The following PARD6B variants were observed in gnomAD, a reference collection of about 807,000 sequenced individuals.
PARD6B encodes the protein par-6 family cell polarity regulator beta, also known as partitioning defective 6 homolog beta.
A neutral mutation model predicts 10.5 loss-of-function variants in PARD6B; 4 were observed. The ratio of observed to expected loss-of-function variants is 0.38; its 90% CI spans 0.19 to 0.87. PARD6B has a LOEUF of 0.87. Ranked by LOEUF, PARD6B falls within the 40% of genes least tolerant of loss-of-function variation. The probability of loss-of-function intolerance (pLI) is 0.41; values close to 1 mark genes in which losing one functional copy is unlikely to be tolerated. For synonymous variants in PARD6B, 169 were observed against 170.4 expected (o/e 0.99, Z 0.07); for missense variants, 396 against 470.6 (o/e 0.84, Z 1.47).
chr20:50,743,325 T>C (rs991491619), intron 2 of PARD6B, among the ~76,000 whole-genome samples: 16 of 152,326 alleles, frequency 1.1e-4, no homozygotes, highest in Admixed American at 9.1e-4. Context: ...CAGACACATA[T>C]GTTTACCTCT....
chr20:50,739,934 C>G (rs2087522656), intron 2 of PARD6B, among the ~76,000 whole-genome samples: 1 of 152,148 alleles, frequency 6.6e-6, no homozygotes, highest in Admixed American at 6.5e-5. Flanking sequence ...AGTCATTGCA[C>G]TCACTGTGGC....
chr20:50,753,288 T>C lies in PARD6B; in HGVS notation c.*2800T>C, dbSNP rs2087625171. On this transcript the variant is annotated 3_prime_UTR_variant, in exon 3 of 3. Coordinates refer to ENST00000371610, the MANE Select transcript of PARD6B (RefSeq NM_032521.3). ...AAGTAGATCTCTGTTTCTTAAATTA[T>C]TGGTGAAATAATTGATTACTAGATA... is the stretch of plus-strand genomic sequence containing the variant. The C allele has an allele frequency of 2.0e-6, 2 of 983,954 alleles. No individual in the cohort carries two copies. Among genetic ancestry groups the C allele is most frequent in the Non-Finnish European group, 2.4e-6 (2 of 828,204 alleles). The allele number at this position is 983,954 out of a possible 1,614,324, so 61.0% of individuals were successfully genotyped here. A position where few individuals can be genotyped will look rare whatever the true frequency, so the allele number is the denominator to read the frequency against.
At position 50,752,131 on chromosome 20, in the gene PARD6B, C is replaced by T; in HGVS notation, c.*1643C>T. ...ATGTTTTAAAAGGCAATTCTCTTGA[C>T]TTTGGAAATATGGAAGTCTCTCCTT... On this transcript the variant is annotated 3_prime_UTR_variant, in exon 3 of 3. Coordinates refer to ENST00000371610, the MANE Select transcript of PARD6B (RefSeq NM_032521.3). 1 of 985,398 alleles carries T rather than the reference C, an allele frequency of 1.0e-6. No homozygotes were observed. The highest frequency in any genetic ancestry group is 1.2e-6 in the Non-Finnish European group (1 of 829,560). The allele number at this position is 985,398 out of a possible 1,614,324, so 61.0% of individuals were successfully genotyped here. A position where few individuals can be genotyped will look rare whatever the true frequency, so the allele number is the denominator to read the frequency against.
At chr20:50,742,527 G>A (rs1465657592) in intron 2 of PARD6B, among the ~76,000 whole-genome samples, 2 of 150,804 alleles carry the variant, frequency 1.3e-5, no homozygotes, top group Non-Finnish European at 3.0e-5. Context: ...TACCATGCCC[G>A]GCTAATTTTT....
intron 2 of PARD6B, among the ~76,000 whole-genome samples, chr20:50,748,099 G>A (rs2123707538): frequency 6.6e-6 from 1 of 152,338 alleles, no homozygotes; most frequent in South Asian, 2.1e-4. Context: ...AGCACTTTGG[G>A]AAGCTGAGGC....
chr20:50,732,516 T>C (rs768395800), intron 1 of PARD6B, among the ~76,000 whole-genome samples: 16 of 152,236 alleles, frequency 1.1e-4, no homozygotes, highest in Non-Finnish European at 1.6e-4. Flanking sequence ...TGCTGATAAT[T>C]ACTTCGGTAT....
intron 2 of PARD6B, among the ~76,000 whole-genome samples, chr20:50,739,684 T>G (rs907207195): frequency 1.3e-5 from 2 of 152,032 alleles, no homozygotes; most frequent in Non-Finnish European, 2.9e-5. Flanking sequence ...CACAAATTAA[T>G]GTTCCCAAAG....
intron 2 of PARD6B, among the ~76,000 whole-genome samples, chr20:50,745,670 A>AT (rs1391570296): frequency 1.3e-5 from 2 of 152,158 alleles, no homozygotes; most frequent in Non-Finnish European, 2.9e-5. Flanking sequence ...TGCCCAGCTA[A>AT]TTTTTAAAAT....
chr20:50,737,712 G>T (rs946155034), intron 1 of PARD6B, 145 bp from the exon 2 acceptor site: 1 of 601,984 alleles, frequency 1.7e-6, no homozygotes, highest in African/African-American at 1.9e-5. Context: ...TAAAATCCCT[G>T]ATAGTAAGGT....
rs566691181 is a variant in PARD6B, at chr20:50,743,704, T to C, written c.289+5625T>C. 7.8e-4 allele frequency among the ~76,000 whole-genome samples: 118 copies of C among 152,118 alleles called. No individual in the cohort carries two copies. The Middle Eastern group carries it at 0.01, about 13-fold the overall frequency. ...GAGATCGAGACCATCCTGGCTAGCA[T>C]GGTGAAACCGTGTCTCTACTAAAAA... On this transcript the variant is annotated intron_variant, in intron 2 of 2. Coordinates refer to ENST00000371610, the MANE Select transcript of PARD6B (RefSeq NM_032521.3).
chr20:50,744,105 C>CTTT (rs753435244), intron 2 of PARD6B, among the ~76,000 whole-genome samples: 1,847 of 77,608 alleles, frequency 0.024, 83 homozygotes, highest in Non-Finnish European at 0.027. Context: ...GAAGTAGCTT[C>CTTT]TTTTTTTTTT....
chr20:50,745,790 A>G (rs1220126083), intron 2 of PARD6B, among the ~76,000 whole-genome samples: 3 of 152,184 alleles, frequency 2.0e-5, no homozygotes, highest in Non-Finnish European at 2.9e-5. Flanking sequence ...TACAGGCATG[A>G]GCCATCATGC....
intron 2 of PARD6B, among the ~76,000 whole-genome samples, chr20:50,739,653 A>G (rs893298401): frequency 2.0e-5 from 3 of 152,100 alleles, no homozygotes; most frequent in Non-Finnish European, 4.4e-5. Context: ...TCACTTGACT[A>G]TTTTACAAAA....
intron 2 of PARD6B, among the ~76,000 whole-genome samples, chr20:50,741,768 G>A (rs1029145785): frequency 6.6e-6 from 1 of 151,790 alleles, no homozygotes. Flanking sequence ...GGATGGTCTC[G>A]ATCTCCTGAC....
intron 2 of PARD6B, among the ~76,000 whole-genome samples, chr20:50,748,575 G>A (rs150166955): frequency 5.3e-5 from 8 of 152,212 alleles, no homozygotes; most frequent in East Asian, 1.9e-4. Context: ...TTTTGTTACC[G>A]AGGCTGGAGT....
Position 50,750,562 on chromosome 20 carries a change from T to TGGTCC in PARD6B, c.*74_*75insGGTCC. ...CATTTGGCTAGTTTAAAAGCATATA[T>TGGTCC]ACCTCTGACCAGTGACGTGGAATAG... On this transcript the variant is annotated 3_prime_UTR_variant, in exon 3 of 3. Coordinates refer to ENST00000371610, the MANE Select transcript of PARD6B (RefSeq NM_032521.3). 2.0e-6 allele frequency: 3 copies of TGGTCC among 1,517,516 alleles called. No individual in the cohort carries two copies. Among genetic ancestry groups the TGGTCC allele is most frequent in the Non-Finnish European group, 2.6e-6 (3 of 1,137,956 alleles). The allele number at this position is 1,517,516 out of a possible 1,614,324, so 94.0% of individuals were successfully genotyped here.
intron 2 of PARD6B, among the ~76,000 whole-genome samples, chr20:50,746,571 T>G (rs2087568718): frequency 6.6e-6 from 1 of 152,236 alleles, no homozygotes; most frequent in African/African-American, 2.4e-5. Flanking sequence ...ACCTTTACAC[T>G]TTAACACCCT....
intron 1 of PARD6B, among the ~76,000 whole-genome samples, chr20:50,733,411 C>G (rs1036758158): frequency 2.0e-5 from 3 of 151,878 alleles, no homozygotes; most frequent in African/African-American, 7.3e-5. Context: ...GCAACAAGAG[C>G]AAAACTCCAT....
chr20:50,733,185 C>T (rs2087481601), intron 1 of PARD6B, among the ~76,000 whole-genome samples: 1 of 152,114 alleles, frequency 6.6e-6, no homozygotes, highest in African/African-American at 2.4e-5. Context: ...TTTGGGAGGC[C>T]GAGGCGGGTG....
Sources: allele counts gnomAD v4.1 joint callset (sites outside exome capture counted in the v4.1 genomes callset), GRCh38; gene constraint gnomAD v4.1.1; transcripts MANE v1.5; gene names NCBI Gene and HGNC (gene_info 2026-07-23, HGNC 2026-07-21).